Variants in EXOC2 observed in about 807,000 individuals in gnomAD.
EXOC2 encodes exocyst complex component 2.
A neutral mutation model predicts 131.8 loss-of-function variants in EXOC2; 70 were observed. That is an observed-to-expected ratio of 0.53 (90% CI 0.44 to 0.65). The LOEUF is 0.65. Ranked by LOEUF, EXOC2 falls within the 30% of genes least tolerant of loss-of-function variation. The pLI is 0.00. For missense variants in EXOC2, 923 were observed against 1,108.6 expected, an observed-to-expected ratio of 0.83 and a Z score of 2.38; for synonymous variants, 411 against 398.4, an observed-to-expected ratio of 1.03 and a Z score of -0.38.
rs913852562 is a variant in EXOC2, at chr6:506,538, G to GT, written c.2381-6839dup. Among the ~76,000 whole-genome samples, 1 of 152,226 alleles carries GT rather than the reference G, an allele frequency of 6.6e-6. No individual in the cohort carries two copies. The highest frequency in any genetic ancestry group is 1.5e-5 in the Non-Finnish European group (1 of 68,048). On this transcript the variant is annotated intron_variant, in intron 23 of 27. Coordinates refer to ENST00000230449, the MANE Select transcript of EXOC2 (RefSeq NM_018303.6). This position sits in a 1 kb window ranked among gnomAD's most constrained non-coding sequence, Gnocchi z 4.4. ...TCAATAAACCCCCACAACTTTCCAT[G>GT]TTGTTCAAGCGAGGGAATGAGAAAC...
At chr6:671,048 CAA>C (rs376028047) in intron 1 of EXOC2, among the ~76,000 whole-genome samples, 262 of 84,056 alleles carry the variant, frequency 3.1e-3, no homozygotes, top group African/African-American at 0.013. Flanking sequence ...GACTCCATCT[CAA>C]AAAAAAAAAA....
intron 4 of EXOC2, among the ~76,000 whole-genome samples, chr6:627,243 CAAAAAAAAAAAAA>C (rs144043704): frequency 8.4e-6 from 1 of 118,964 alleles, no homozygotes; most frequent in Admixed American, 8.3e-5. Flanking sequence ...TGACAGTATC[CAAAAAAAAAAAAA>C]AAAAAAAAGA....
intron 21 of EXOC2, among the ~76,000 whole-genome samples, chr6:553,581 G>T (rs1165930508): frequency 6.6e-6 from 1 of 152,068 alleles, no homozygotes; most frequent in East Asian, 1.9e-4. Flanking sequence ...CAAGCACCAG[G>T]AACTATAAGG....
chr6:566,523 GCT>G, intron 13 of EXOC2, among the ~76,000 whole-genome samples: 1 of 152,308 alleles, frequency 6.6e-6, no homozygotes, highest in South Asian at 2.1e-4. Flanking sequence ...AACACCAGCG[GCT>G]CTGAGTGTCT....
chr6:529,182 T>C (rs1765922643), intron 23 of EXOC2, among the ~76,000 whole-genome samples: 1 of 151,802 alleles, frequency 6.6e-6, no homozygotes, highest in South Asian at 2.1e-4. Flanking sequence ...CTCGTGATAA[T>C]GGCCAGCAGC....
chr6:570,196 C>T (rs846162), intron 13 of EXOC2, among the ~76,000 whole-genome samples: 7 of 149,458 alleles, frequency 4.7e-5, no homozygotes, highest in East Asian at 4.0e-4. Flanking sequence ...TGTGGTGGCG[C>T]GATCTCGGCT....
intron 4 of EXOC2, 90 bp from the exon 5 acceptor site, chr6:619,633 G>C (rs540802793): frequency 1.5e-5 from 11 of 751,610 alleles, no homozygotes; most frequent in Non-Finnish European, 2.5e-5. Context: ...TAACACATAT[G>C]AATACTAACC....
At chr6:690,284 C>A (rs1193437171) in intron 1 of EXOC2, among the ~76,000 whole-genome samples, 1 of 151,846 alleles carries the variant, frequency 6.6e-6, no homozygotes, top group Non-Finnish European at 1.5e-5. Flanking sequence ...GGAATCATGG[C>A]GCTCAAGGCT....
intron 4 of EXOC2, among the ~76,000 whole-genome samples, chr6:624,609 G>A (rs545879018): frequency 6.6e-6 from 1 of 152,204 alleles, no homozygotes; most frequent in East Asian, 1.9e-4. Context: ...GTAAACAGTC[G>A]AGATTTGAAC....
intron 4 of EXOC2, among the ~76,000 whole-genome samples, chr6:623,612 T>C (rs1319220899): frequency 6.6e-6 from 1 of 152,226 alleles, no homozygotes; most frequent in Non-Finnish European, 1.5e-5. Flanking sequence ...TAGTGGACAC[T>C]GTTGGCTATG....
Position 492,623 on chromosome 6 carries a change from C to T in EXOC2, c.2560-1437G>A, listed in dbSNP as rs566339384. Among the ~76,000 whole-genome samples the T allele has an allele frequency of 1.8e-4, 27 of 152,224 alleles. No homozygotes were observed. The South Asian group carries it at 3.5e-3, about 20-fold the overall frequency. On this transcript the variant is annotated intron_variant, in intron 25 of 27. Coordinates refer to ENST00000230449, the MANE Select transcript of EXOC2 (RefSeq NM_018303.6). ...AACATGGATGAACCCTGAAACATTACGCTACATGAAAGAAGCCAGTCACAA... is the reference window on the plus strand; with the variant it reads ...AACATGGATGAACCCTGAAACATTATGCTACATGAAAGAAGCCAGTCACAA...
intron 1 of EXOC2, among the ~76,000 whole-genome samples, chr6:657,991 A>G (rs933407052): frequency 3.9e-5 from 6 of 152,080 alleles, no homozygotes; most frequent in African/African-American, 1.4e-4. Context: ...TTCATGTCAA[A>G]CCTATTGACC....
At chr6:604,180 G>A (rs1237211189) in intron 7 of EXOC2, among the ~76,000 whole-genome samples, 1 of 152,148 alleles carries the variant, frequency 6.6e-6, no homozygotes, top group Admixed American at 6.5e-5. Flanking sequence ...TCAACATGTT[G>A]AACTGAATGT....
chr6:491,904 C>A (rs1000098195), intron 25 of EXOC2, among the ~76,000 whole-genome samples: 1 of 152,198 alleles, frequency 6.6e-6, no homozygotes, highest in Non-Finnish European at 1.5e-5. Context: ...CAAGACCACT[C>A]AGTGGGGGAA....
intron 7 of EXOC2, among the ~76,000 whole-genome samples, chr6:602,962 T>A (rs912627987): frequency 1.3e-5 from 2 of 152,188 alleles, no homozygotes; most frequent in African/African-American, 4.8e-5. Flanking sequence ...ACTCCAGTCA[T>A]CTAGAAAACC....
chr6:517,290 C>A (rs1328951813), intron 23 of EXOC2, among the ~76,000 whole-genome samples: 1 of 152,102 alleles, frequency 6.6e-6, no homozygotes, highest in Non-Finnish European at 1.5e-5. Context: ...GCTGTACTGT[C>A]AGGACCCAGG....
intron 1 of EXOC2, among the ~76,000 whole-genome samples, chr6:685,428 T>G (rs1764600345): frequency 6.6e-6 from 1 of 152,188 alleles, no homozygotes; most frequent in Non-Finnish European, 1.5e-5. Flanking sequence ...GACAGACTTG[T>G]CCCTGCTGGG....
intron 11 of EXOC2, among the ~76,000 whole-genome samples, chr6:583,851 G>GC (rs1026515408): frequency 6.1e-4 from 93 of 152,288 alleles, no homozygotes; most frequent in African/African-American, 2.2e-3. Flanking sequence ...GGTCACAAAG[G>GC]CACCACCCCA....
At chr6:560,509 G>A (rs995044594) in intron 17 of EXOC2, among the ~76,000 whole-genome samples, 16 of 152,114 alleles carry the variant, frequency 1.1e-4, no homozygotes, top group African/African-American at 3.6e-4. Context: ...TCTATTTAAT[G>A]CAGTCTATCC....
Sources: allele counts gnomAD v4.1 joint callset (sites outside exome capture counted in the v4.1 genomes callset), GRCh38; gene constraint gnomAD v4.1.1; non-coding constraint Gnocchi (gnomAD v3.1); transcripts MANE v1.5; gene names NCBI Gene and HGNC (gene_info 2026-07-23, HGNC 2026-07-21).